The following SBF2 variants were observed in gnomAD, a reference collection of about 807,000 sequenced individuals.
SBF2 encodes SET binding factor 2, also known as myotubularin-related protein 13.
SBF2 carries 112 observed loss-of-function variants against 225.2 expected under a neutral mutation model. That is an observed-to-expected ratio of 0.50 (90% CI 0.43 to 0.58). The LOEUF (loss-of-function observed/expected upper bound fraction) is 0.58, where lower values mean the gene tolerates loss of function less well. SBF2 is among the 20% of genes least tolerant of loss of function. The probability of loss-of-function intolerance (pLI) is 0.00; values close to 1 mark genes in which losing one functional copy is unlikely to be tolerated. For synonymous variants in SBF2, 763 were observed against 773.3 expected, an observed-to-expected ratio of 0.99 and a Z score of 0.22; for missense variants, 1,996 against 2,206.2, an observed-to-expected ratio of 0.90 and a Z score of 1.91.
rs1244359974 is a variant in SBF2, at chr11:9,967,417, T to C, written c.1600+924A>G. Among the ~76,000 whole-genome samples, 3 of 150,846 alleles carry C rather than the reference T, an allele frequency of 2.0e-5. No homozygotes were observed. The East Asian group carries it at 5.8e-4, about 29-fold the overall frequency. On this transcript the variant is annotated intron_variant, in intron 14 of 39. Coordinates refer to ENST00000256190, the MANE Select transcript of SBF2 (RefSeq NM_030962.4). Reference sequence around the variant, plus strand: ...CGAAATGCTGATACATGCTACAACATAGACGTACATTGGAAATATTATGCT... The same window carrying C: ...CGAAATGCTGATACATGCTACAACACAGACGTACATTGGAAATATTATGCT...
At chr11:9,930,456 T>C (rs1318842362) in intron 16 of SBF2, among the ~76,000 whole-genome samples, 1 of 152,160 alleles carries the variant, frequency 6.6e-6, no homozygotes, top group Non-Finnish European at 1.5e-5. Flanking sequence ...CACCTGGGAA[T>C]GGGTATAGAG....
At chr11:10,258,678 TGAC>T (rs1961128499) in intron 1 of SBF2, among the ~76,000 whole-genome samples, 2 of 152,266 alleles carry the variant, frequency 1.3e-5, no homozygotes, top group Non-Finnish European at 2.9e-5. Context: ...TGAGGGCCAG[TGAC>T]CATGTTTTGG....
At chr11:10,222,042 C>T (rs1797316974) in intron 1 of SBF2, among the ~76,000 whole-genome samples, 1 of 152,188 alleles carries the variant, frequency 6.6e-6, no homozygotes, top group African/African-American at 2.4e-5. Context: ...CTGAACCAAA[C>T]ACGCAAAGGA....
At chr11:10,272,322 G>A (rs188688923) in intron 1 of SBF2, 4 of 795,402 alleles carry the variant, frequency 5.0e-6, no homozygotes, top group African/African-American at 4.9e-5. Context: ...ATGACAAGTC[G>A]TTCACTGTAA....
chr11:10,019,803 A>G (rs1948781274), intron 6 of SBF2, among the ~76,000 whole-genome samples: 1 of 152,206 alleles, frequency 6.6e-6, no homozygotes, highest in South Asian at 2.1e-4. Context: ...TAAAAAGGAT[A>G]AAAATCATCC....
intron 6 of SBF2, among the ~76,000 whole-genome samples, chr11:10,024,190 G>A (rs1234757093): frequency 6.6e-6 from 1 of 152,092 alleles, no homozygotes; most frequent in Non-Finnish European, 1.5e-5. Context: ...TACATTGTAT[G>A]AACATACCAC....
At chr11:9,929,102 C>T (rs1864281940) in intron 16 of SBF2, 1 of 318,410 alleles carries the variant, frequency 3.1e-6, no homozygotes, top group Non-Finnish European at 6.1e-6. Context: ...TAGAAGTTGA[C>T]AACAACCAAG....
intron 16 of SBF2, chr11:9,958,784 G>T: frequency 2.0e-6 from 1 of 498,798 alleles, no homozygotes; most frequent in South Asian, 1.9e-5. Context: ...GAGAAGACAC[G>T]GGCAGATGAG....
At chr11:10,255,221 A>G (rs1018059733) in intron 1 of SBF2, among the ~76,000 whole-genome samples, 5 of 152,158 alleles carry the variant, frequency 3.3e-5, no homozygotes, top group Non-Finnish European at 7.4e-5. Context: ...AAAAGCACTA[A>G]AAGAGTAGAT....
intron 1 of SBF2, among the ~76,000 whole-genome samples, chr11:10,229,905 C>T (rs867958756): frequency 1.3e-5 from 2 of 152,172 alleles, no homozygotes; most frequent in African/African-American, 2.4e-5. Context: ...CTAATGTTGA[C>T]AGTGGGATGT....
chr11:10,063,002 C>A (rs769007083), intron 2 of SBF2, among the ~76,000 whole-genome samples: 4 of 152,116 alleles, frequency 2.6e-5, no homozygotes, highest in Admixed American at 6.5e-5. Context: ...GAATATCATG[C>A]AGCCATAAAA....
At chr11:10,010,827 G>A (rs1420748624) in intron 6 of SBF2, among the ~76,000 whole-genome samples, 2 of 152,134 alleles carry the variant, frequency 1.3e-5, no homozygotes, top group Non-Finnish European at 2.9e-5. Context: ...ATTACTTTGG[G>A]CAGTATGGCC....
At chr11:10,093,756 T>C (rs58793550) in intron 2 of SBF2, among the ~76,000 whole-genome samples, 2,157 of 152,322 alleles carry the variant, frequency 0.014, 35 homozygotes, top group African/African-American at 0.036. Flanking sequence ...TAGCCTGAAA[T>C]ACCTTTGTGT....
Position 10,294,025 on chromosome 11 carries a change from G to C in SBF2, c.45C>G (p.His15Gln), listed in dbSNP as rs1964352895. The C allele has an allele frequency of 2.0e-5, 28 of 1,403,532 alleles. 1 individual carries two copies. The highest frequency in any genetic ancestry group is 4.7e-5 in the South Asian group (3 of 63,818). The allele number at this position is 1,403,532 out of a possible 1,614,324, so 86.9% of individuals were successfully genotyped here. ...ADYFIVVGYD[H>Q]EKPGSGEGLG... ...GCCCCACACCCTTACCTGGCTTCTC[G>C]TGGTCATAGCCTACCACGATGAAGT... is the stretch of plus-strand genomic sequence containing the variant. The change falls in exon 1 of 40, where the codon CAC becomes CAG. Residue 15 changes from histidine to glutamine, a missense_variant. Physicochemically the swap from His to Gln is conservative, Grantham distance 24. Transcript: ENST00000256190.
chr11:10,044,510 T>C (rs1343749480), intron 2 of SBF2: 10 of 197,382 alleles, frequency 5.1e-5, no homozygotes. Flanking sequence ...TAAATGTCTC[T>C]ACACTCACCA....
intron 2 of SBF2, among the ~76,000 whole-genome samples, chr11:10,176,864 C>T (rs558207683): frequency 2.6e-5 from 4 of 152,234 alleles, no homozygotes; most frequent in South Asian, 4.2e-4. Flanking sequence ...ATCCTGATAC[C>T]AAAGCCTGGC....
intron 1 of SBF2, among the ~76,000 whole-genome samples, chr11:10,236,683 C>T (rs531993476): frequency 6.6e-6 from 1 of 152,256 alleles, no homozygotes; most frequent in South Asian, 2.1e-4. Flanking sequence ...AGGATGGTCT[C>T]GAGCTCTTGA....
In SBF2 at chr11:10,231,757, G is replaced by A. The variant is rs376101236; in HGVS notation, c.56-37770C>T. Among the ~76,000 whole-genome samples, 35 of 152,314 alleles carry A rather than the reference G, an allele frequency of 2.3e-4. No individual in the cohort carries two copies. The South Asian group carries it at 7.0e-3, about 31-fold the overall frequency. The stretch of plus-strand genomic sequence containing the variant: ...CCCAGTTAGGCTACTCAGGGGTCAG[G>A]GACCCACTTGAGGAGGCAGTCTGCC... On this transcript the variant is annotated intron_variant, in intron 1 of 39. Transcript: ENST00000256190.
intron 17 of SBF2, among the ~76,000 whole-genome samples, chr11:9,873,948 C>T (rs974706188): frequency 6.6e-6 from 1 of 151,980 alleles, no homozygotes; most frequent in African/African-American, 2.4e-5. Context: ...ACTCGGGAGG[C>T]TGAGGCAAGA....
Sources: gnomAD v4.1 joint callset for allele counts (sites outside exome capture counted in the v4.1 genomes callset) on GRCh38, gnomAD v4.1.1 for gene constraint, MANE v1.5 for transcripts, NCBI Gene and HGNC (gene_info 2026-07-23, HGNC 2026-07-21) for gene names.